ATP8B4: variants seen among roughly 807,000 people sequenced by gnomAD.
ATP8B4 encodes ATPase phospholipid transporting 8B4 (putative).
A neutral mutation model predicts 145.6 loss-of-function variants in ATP8B4; 133 were observed. That is an observed-to-expected ratio of 0.91 (90% CI 0.79 to 1.05). The LOEUF (loss-of-function observed/expected upper bound fraction) is 1.05. Among genes scored for constraint, ATP8B4 ranks in the 50% least tolerant of loss-of-function variants. The probability of loss-of-function intolerance (pLI) is 0.00; values close to 1 mark genes in which losing one functional copy is unlikely to be tolerated. For missense variants in ATP8B4, 1,458 were observed against 1,425.2 expected, an observed-to-expected ratio of 1.02 and a Z score of -0.37; for synonymous variants, 507 against 492.9, an observed-to-expected ratio of 1.03 and a Z score of -0.38.
At chr15:50,112,677 A>T (rs1051124532) in intron 1 of ATP8B4, among the ~76,000 whole-genome samples, 4 of 152,062 alleles carry the variant, frequency 2.6e-5, no homozygotes. Context: ...CTCAATCTCC[A>T]CATCTGTAAA....
chr15:49,972,535 A>G (rs772472983), intron 13 of ATP8B4, 47 bp downstream of exon 13: 1 of 1,559,850 alleles, frequency 6.4e-7, no homozygotes, highest in South Asian at 1.2e-5. Flanking sequence ...CAGTTATTCA[A>G]GAAATTGTTA....
At chr15:50,081,735 A>G (rs1035441701) in intron 2 of ATP8B4, among the ~76,000 whole-genome samples, 3 of 152,226 alleles carry the variant, frequency 2.0e-5, no homozygotes, top group East Asian at 1.9e-4. Context: ...GCAAGTTTCC[A>G]CTAGACCCAC....
intron 6 of ATP8B4, among the ~76,000 whole-genome samples, chr15:50,018,386 A>C (rs2049265973): frequency 6.6e-6 from 1 of 152,168 alleles, no homozygotes; most frequent in Admixed American, 6.5e-5. Flanking sequence ...GACCCCTCTA[A>C]TCTAGACACC....
rs187989995 is a variant in ATP8B4, at chr15:50,076,809, T to C, written c.29-2624A>G. 2.2e-3 allele frequency among the ~76,000 whole-genome samples: 340 copies of C among 152,346 alleles called. 6 individuals are homozygous for C. Among genetic ancestry groups the C allele is most frequent in the African/African-American group, 8.0e-3 (334 of 41,584 alleles). Reference sequence around the variant, plus strand: ...GAAAATTTAGCATCCCTTCATTAAGTTCTGCAAAATACTGGCTTTGGTTCT... The same window carrying C: ...GAAAATTTAGCATCCCTTCATTAAGCTCTGCAAAATACTGGCTTTGGTTCT... On this transcript the variant is annotated intron_variant, in intron 2 of 27. Coordinates refer to ENST00000284509, the MANE Select transcript of ATP8B4 (RefSeq NM_024837.4).
At chr15:50,047,263 C>T in intron 4 of ATP8B4, 88 bp downstream of exon 4, 1 of 806,690 alleles carries the variant, frequency 1.2e-6, no homozygotes, top group Non-Finnish European at 2.0e-6. Context: ...TAATCACGAA[C>T]ATTTAGCTAA....
At chr15:50,147,637 G>A (rs941295605) in intron 1 of ATP8B4, among the ~76,000 whole-genome samples, 1 of 152,090 alleles carries the variant, frequency 6.6e-6, no homozygotes, top group Admixed American at 6.5e-5. Context: ...TTTTGTTTCA[G>A]AACATCAGAA....
intron 1 of ATP8B4, among the ~76,000 whole-genome samples, chr15:50,128,939 G>A (rs554952100): frequency 1.0e-3 from 156 of 152,102 alleles, no homozygotes; most frequent in Non-Finnish European, 2.0e-3. Flanking sequence ...CTGGTGGTGC[G>A]CACCTGTAAT....
chr15:50,086,695 G>C (rs1460962879), intron 2 of ATP8B4, among the ~76,000 whole-genome samples: 3 of 87,972 alleles, frequency 3.4e-5, no homozygotes. Flanking sequence ...TAAAATAATA[G>C]AGATCTATAT....
intron 6 of ATP8B4, among the ~76,000 whole-genome samples, chr15:50,019,968 CTT>C (rs34120425): frequency 1.1e-4 from 16 of 148,782 alleles, no homozygotes; most frequent in South Asian, 2.1e-4. Context: ...GGCCAAATGA[CTT>C]TTTTTTTTTT....
chr15:49,987,394 CA>C lies in ATP8B4; in HGVS notation c.744del (p.Phe248LeufsTer8). On this transcript the variant is annotated frameshift_variant, in exon 10 of 28. Transcript: ENST00000284509. LOFTEE classifies it high-confidence loss of function. ...NTSWCFGMVI[F>X]AGPDTKLMQN... ...GGCCTTGGGTCACATGCTGTACCTG[CA>C]AAAATAACCATTCCAAAACACCAGC... The C allele has an allele frequency of 1.2e-6, 2 of 1,613,416 alleles. No individual in the cohort carries two copies. The highest frequency in any genetic ancestry group is 1.7e-6 in the Non-Finnish European group (2 of 1,179,578).
At chr15:49,961,081 C>T (rs2044029592) in intron 14 of ATP8B4, among the ~76,000 whole-genome samples, 1 of 151,220 alleles carries the variant, frequency 6.6e-6, no homozygotes, top group Non-Finnish European at 1.5e-5. Flanking sequence ...TGCAGTGAGC[C>T]GAGATTGCGC....
intron 22 of ATP8B4, 60 bp from the exon 23 acceptor site, chr15:49,897,575 C>T: frequency 1.5e-6 from 2 of 1,341,684 alleles, no homozygotes; most frequent in Non-Finnish European, 2.0e-6. Context: ...CTTTTGGAAA[C>T]TTGTCATTCC....
intron 16 of ATP8B4, among the ~76,000 whole-genome samples, chr15:49,927,894 A>G (rs914398911): frequency 3.3e-5 from 5 of 152,122 alleles, no homozygotes; most frequent in African/African-American, 9.7e-5. Flanking sequence ...AAACATTCTC[A>G]GATGTTATTT....
chr15:49,901,194 A>G lies in ATP8B4; in HGVS notation c.2187T>C (p.Asn729=), dbSNP rs1599011039. Residue 729 remains asparagine, a synonymous_variant, in exon 21 of 28, where the codon AAT becomes AAC. Transcript: ENST00000284509. ...NLFGQNRNFS[N]GHVVCEKKQQ... is the part of the protein sequence containing the mutation. ...GCTTTTTTTCACAAACTACATGGCC[A>G]TTGGAAAAATTTCTGTTTTGTCCAA... The G allele has an allele frequency of 6.2e-7, 1 of 1,613,374 alleles. No homozygotes were observed. The highest frequency in any genetic ancestry group is 8.5e-7 in the Non-Finnish European group (1 of 1,179,584).
intron 1 of ATP8B4, among the ~76,000 whole-genome samples, chr15:50,113,650 C>T (rs911255336): frequency 6.6e-6 from 1 of 151,784 alleles, no homozygotes. Flanking sequence ...ACCAGCCTGA[C>T]CAACATGGAA....
intron 25 of ATP8B4, among the ~76,000 whole-genome samples, chr15:49,873,438 A>G (rs1598822005): frequency 6.6e-6 from 1 of 152,242 alleles, no homozygotes; most frequent in Non-Finnish European, 1.5e-5. Flanking sequence ...GTGGAATACT[A>G]CAGCCATTAA....
At chr15:49,905,165 G>A (rs892709113) in intron 20 of ATP8B4, among the ~76,000 whole-genome samples, 1 of 152,128 alleles carries the variant, frequency 6.6e-6, no homozygotes, top group Non-Finnish European at 1.5e-5. Flanking sequence ...ATGGTTTCAC[G>A]ACACTAAATT....
chr15:49,902,322 T>C (rs2038127154), intron 20 of ATP8B4: 1 of 152,220 alleles, frequency 6.6e-6, no homozygotes, highest in Non-Finnish European at 1.5e-5. Flanking sequence ...AAAATGGTTT[T>C]ATGCTGAGGC....
intron 1 of ATP8B4, among the ~76,000 whole-genome samples, chr15:50,162,052 A>T (rs2414028): frequency 0.99 from 150,340 of 152,150 alleles, 74,304 homozygotes; most frequent in East Asian, 1. Flanking sequence ...TAGGATAAAA[A>T]TTTTTTTTAC....
Sources: allele counts gnomAD v4.1 joint callset (sites outside exome capture counted in the v4.1 genomes callset), GRCh38; gene constraint gnomAD v4.1.1; transcripts MANE v1.5; gene names NCBI Gene and HGNC (gene_info 2026-07-23, HGNC 2026-07-21).